The following CDKL5 variants were observed in gnomAD, a reference collection of about 807,000 sequenced individuals.
CDKL5 encodes the protein cyclin-dependent kinase-like 5.
Under a neutral mutation model 61.7 loss-of-function variants are expected in CDKL5, and 8 were observed. The observed-to-expected ratio is 0.13, with a 90% CI of 0.08 to 0.23. The LOEUF is 0.23. CDKL5 is among the 10% of genes least tolerant of loss of function. The pLI is 1.00. For missense variants in CDKL5, 440 were observed against 734.5 expected (o/e 0.60, Z 4.63); for synonymous variants, 275 against 272.3 (o/e 1.01, Z -0.10).
chrX:18,585,860 A>T (rs991374331), intron 8 of CDKL5, among the ~76,000 whole-genome samples: 1 of 111,546 alleles, frequency 9.0e-6, no homozygotes, highest in African/African-American at 3.3e-5. Context: ...TATCTGGGGG[A>T]CATGAGGAAT....
intron 3 of CDKL5, among the ~76,000 whole-genome samples, chrX:18,532,460 G>C (rs1829337519): frequency 1.8e-5 from 2 of 108,569 alleles, no homozygotes; most frequent in African/African-American, 6.7e-5. Flanking sequence ...ACTTATTTTT[G>C]AAGAAGAACT....
intron 6 of CDKL5, among the ~76,000 whole-genome samples, chrX:18,581,676 A>G (rs1925484919): frequency 9.0e-6 from 1 of 111,691 alleles, no homozygotes; most frequent in East Asian, 2.8e-4. Flanking sequence ...GGAAAAAAAT[A>G]TTTTTGAAGT....
chrX:18,542,285 C>T (rs959484196), intron 3 of CDKL5, among the ~76,000 whole-genome samples: 4 of 111,664 alleles, frequency 3.6e-5, no homozygotes, highest in African/African-American at 1.3e-4. Flanking sequence ...CTTGTGACCA[C>T]TCCCCACGTT....
chrX:18,479,540 C>T (rs1236912392), intron 1 of CDKL5, among the ~76,000 whole-genome samples: 1 of 108,998 alleles, frequency 9.2e-6, no homozygotes, highest in Non-Finnish European at 1.9e-5. Context: ...AGGATGGTCT[C>T]GATCTCTTGA....
intron 1 of CDKL5, among the ~76,000 whole-genome samples, chrX:18,484,569 T>G (rs1921718590): frequency 9.0e-6 from 1 of 110,935 alleles, no homozygotes; most frequent in African/African-American, 3.3e-5. Context: ...CCACCTATCT[T>G]GGTCTCCCAA....
chrX:18,461,941 T>G, intron 1 of CDKL5, among the ~76,000 whole-genome samples: 2 of 111,605 alleles, frequency 1.8e-5, no homozygotes, highest in Admixed American at 1.9e-4. Flanking sequence ...TTTATTTGGG[T>G]TGCAGAGAGG....
chrX:18,567,700 G>A (rs1273902545), intron 4 of CDKL5, among the ~76,000 whole-genome samples: 1 of 111,503 alleles, frequency 9.0e-6, no homozygotes, highest in African/African-American at 3.3e-5. Flanking sequence ...GGGCAACATG[G>A]CGAGACCCTG....
intron 1 of CDKL5, among the ~76,000 whole-genome samples, chrX:18,456,878 G>C (rs1932154484): frequency 9.0e-6 from 1 of 110,549 alleles, no homozygotes; most frequent in Admixed American, 9.8e-5. Flanking sequence ...TTGGTGTAAT[G>C]CGTTATTGTT....
At chrX:18,461,462 G>A (rs1469723772) in intron 1 of CDKL5, among the ~76,000 whole-genome samples, 1 of 111,984 alleles carries the variant, frequency 8.9e-6, no homozygotes, top group Non-Finnish European at 1.9e-5. Context: ...TCATTCAAAA[G>A]ACCTTAAAAG....
chrX:18,503,304 C>T (rs1199365128), intron 1 of CDKL5, among the ~76,000 whole-genome samples: 4 of 112,011 alleles, frequency 3.6e-5, no homozygotes, highest in Non-Finnish European at 7.5e-5. Flanking sequence ...CCATCTCAGC[C>T]TCTGGAGTAG....
chrX:18,571,902 A>G (rs903917382), intron 4 of CDKL5, among the ~76,000 whole-genome samples: 2 of 111,558 alleles, frequency 1.8e-5, no homozygotes, highest in African/African-American at 6.5e-5. Context: ...TTTATTTCCT[A>G]AAAACAGCTG....
At chrX:18,647,754 G>T in intron 20 of CDKL5, 1 of 165,678 alleles carries the variant, frequency 6.0e-6, no homozygotes, top group Non-Finnish European at 1.2e-5. Context: ...CATGACGTCA[G>T]GTCTCTTGTT....
chrX:18,559,353 C>G (rs1015818182), intron 3 of CDKL5, among the ~76,000 whole-genome samples: 1 of 111,103 alleles, frequency 9.0e-6, no homozygotes, highest in Admixed American at 9.6e-5. Context: ...GGATTATAGG[C>G]ACGCGCCACC....
chrX:18,494,929 G>C (rs980595850), intron 1 of CDKL5, among the ~76,000 whole-genome samples: 1 of 111,965 alleles, frequency 8.9e-6, no homozygotes, highest in Non-Finnish European at 1.9e-5. Flanking sequence ...CATCTAGAAA[G>C]AAAACTAAGT....
intron 9 of CDKL5, chrX:18,588,935 A>C (rs1925732847): frequency 9.1e-6 from 1 of 109,592 alleles, no homozygotes; most frequent in South Asian, 4.0e-4. Context: ...CAAAAACAAA[A>C]AAAAAACAAC....
intron 1 of CDKL5, among the ~76,000 whole-genome samples, chrX:18,445,554 C>G (rs1332088266): frequency 8.9e-6 from 1 of 111,996 alleles, no homozygotes; most frequent in Non-Finnish European, 1.9e-5. Context: ...TATCTCCACC[C>G]AAATCTGATC....
At chrX:18,595,562 T>C (rs1925965126) in intron 10 of CDKL5, 134 bp downstream of exon 10, 5 of 487,543 alleles carry the variant, frequency 1.0e-5, no homozygotes, top group Non-Finnish European at 1.8e-5. Flanking sequence ...GGGAACTATG[T>C]CATATTAAAA....
At chrX:18,468,848 C>T (rs753708445) in intron 1 of CDKL5, among the ~76,000 whole-genome samples, 16 of 111,309 alleles carry the variant, frequency 1.4e-4, no homozygotes, top group African/African-American at 4.9e-4. Flanking sequence ...TTACTCATGG[C>T]AGATAATTTC....
intron 3 of CDKL5, among the ~76,000 whole-genome samples, chrX:18,520,958 C>G (rs1923224717): frequency 8.9e-6 from 1 of 112,332 alleles, no homozygotes; most frequent in South Asian, 3.7e-4. Flanking sequence ...AGGCTGGTCT[C>G]AAACTCCTGG....
Sources: allele counts gnomAD v4.1 joint callset (sites outside exome capture counted in the v4.1 genomes callset), GRCh38; gene constraint gnomAD v4.1.1; transcripts MANE v1.5; gene names NCBI Gene and HGNC (gene_info 2026-07-23, HGNC 2026-07-21).